Variants in C6orf141 observed in about 807,000 individuals in gnomAD.
C6orf141 encodes the protein uncharacterized protein C6orf141.
For synonymous variants in C6orf141, 164 were observed against 140.5 expected, an observed-to-expected ratio of 1.17 and a Z score of -1.18; for missense variants, 361 against 335.8, an observed-to-expected ratio of 1.07 and a Z score of -0.59.
Position 49,550,676 on chromosome 6 carries a change from G to A in C6orf141, c.-117G>A, listed in dbSNP as rs1770203784. ...TAGCCTGGGGCTGATCTAGTCTTCA[G>A]CTTTCACCGGCTGGGAGTCCGGAGC... On this transcript the variant is annotated 5_prime_UTR_variant, in exon 1 of 1. Transcript: ENST00000529246. The A allele has an allele frequency of 1.1e-6, 1 of 947,144 alleles. No individual in the cohort carries two copies. The highest frequency in any genetic ancestry group is 1.7e-5 in the African/African-American group (1 of 58,232). The allele number at this position is 947,144 out of a possible 1,614,324, so 58.7% of individuals were successfully genotyped here. A position where few individuals can be genotyped will look rare whatever the true frequency, so the allele number is the denominator to read the frequency against.
intron 4 of C6orf141, among the ~76,000 whole-genome samples, chr6:49,559,382 C>T (rs12214715): frequency 0.18 from 27,569 of 151,402 alleles, 3,176 homozygotes; most frequent in Middle Eastern, 0.34. Context: ...AGAATGCAGC[C>T]TTGCAAGTAG....
Position 49,551,864 on chromosome 6 carries a change from C to A in C6orf141, c.*337C>A. The A allele has an allele frequency of 1.1e-5, 13 of 1,150,420 alleles. No homozygotes were observed. The highest frequency in any genetic ancestry group is 1.4e-5 in the Non-Finnish European group (13 of 923,180). The allele number at this position is 1,150,420 out of a possible 1,614,324, so 71.3% of individuals were successfully genotyped here. On this transcript the variant is annotated 3_prime_UTR_variant, in exon 1 of 1. Coordinates refer to ENST00000529246, the MANE Select transcript of C6orf141 (RefSeq NM_001145652.2). ...GATCTCTTTTCTGTTCCCCGCCCCC[C>A]TCTTGTTTCTCTTTAGGACCTAGAA...
At chr6:49,554,002 C>T (rs374760301), downstream of C6orf141, among the ~76,000 whole-genome samples, 1 of 152,264 alleles carries the variant, frequency 6.6e-6, no homozygotes, top group East Asian at 1.9e-4. Flanking sequence ...TTTAATAAGA[C>T]TCTTCTCTAC....
downstream of C6orf141, chr6:49,554,932 C>T (rs1355192105): frequency 6.6e-6 from 1 of 152,178 alleles, no homozygotes; most frequent in Non-Finnish European, 1.5e-5. Context: ...AATCTTATCC[C>T]GTTTACAAAT....
At chr6:49,557,678 G>A (rs1348350107) in intron 4 of C6orf141, among the ~76,000 whole-genome samples, 1 of 152,104 alleles carries the variant, frequency 6.6e-6, no homozygotes, top group African/African-American at 2.4e-5. Flanking sequence ...ACAAAACTCA[G>A]AGGTCTCTAA....
rs988511300 is a variant in C6orf141, at chr6:49,551,305, G to T, written c.513G>T (p.Val171=). The part of the protein sequence containing the change: ...RVEDYQVTQE[V]LQTSWAKGRM... ...AGGATTATCAGGTAACACAAGAAGT[G>T]TTGCAGACCTCCTGGGCCAAGGGTC... Residue 171 remains valine (V), a synonymous_variant, in exon 1 of 1, where the codon GTG becomes GTT. Coordinates refer to ENST00000529246, the MANE Select transcript of C6orf141 (RefSeq NM_001145652.2). The T allele has an allele frequency of 6.4e-7, 1 of 1,551,606 alleles. No individual in the cohort carries two copies. Among genetic ancestry groups the T allele is most frequent in the Admixed American group, 2.0e-5 (1 of 50,988 alleles).
In C6orf141 at chr6:49,551,929, T is replaced by A. The variant is rs1770729819; in HGVS notation, c.*402T>A. On this transcript the variant is annotated 3_prime_UTR_variant, in exon 1 of 1. Coordinates refer to ENST00000529246, the MANE Select transcript of C6orf141 (RefSeq NM_001145652.2). Reference sequence around the variant, plus strand: ...TGAAGTCTGCTCTCTGCAAAGAGGGTGGGAGTGGGTGGAGAAGAGGCTTGT... The same window carrying A: ...TGAAGTCTGCTCTCTGCAAAGAGGGAGGGAGTGGGTGGAGAAGAGGCTTGT... 3 of 1,037,654 alleles carry A rather than the reference T, an allele frequency of 2.9e-6. No individual in the cohort carries two copies. In the South Asian group the frequency reaches 1.2e-4, roughly 42 times the overall value. 64.3% of individuals were successfully genotyped at this position (1,037,654 alleles called of 1,614,324 possible). A position where few individuals can be genotyped will look rare whatever the true frequency, so the allele number is the denominator to read the frequency against.
exon 5 of C6orf141, chr6:49,561,794 C>T (rs992092668): frequency 1.3e-5 from 2 of 151,948 alleles, no homozygotes; most frequent in African/African-American, 4.8e-5. Flanking sequence ...AAGTGATCCT[C>T]CCACCTCAGC....
chr6:49,557,515 T>C (rs1772189723), intron 4 of C6orf141, among the ~76,000 whole-genome samples: 1 of 152,250 alleles, frequency 6.6e-6, no homozygotes, highest in Non-Finnish European at 1.5e-5. Flanking sequence ...GACTTTCCTT[T>C]TCTTAGAGCA....
chr6:49,558,080 T>TCC (rs1554168743), intron 4 of C6orf141, among the ~76,000 whole-genome samples: 1 of 138,198 alleles, frequency 7.2e-6, no homozygotes, highest in Non-Finnish European at 1.5e-5. Context: ...TTTTTTTTTT[T>TCC]TTTAGTAGAG....
At chr6:49,556,172 A>G (rs931483551), downstream of C6orf141, among the ~76,000 whole-genome samples, 49 of 152,212 alleles carry the variant, frequency 3.2e-4, no homozygotes, top group African/African-American at 1.2e-3. Flanking sequence ...CATTTTGTCA[A>G]GATCATTGGA....
At chr6:49,560,263 C>T (rs1773035613) in intron 4 of C6orf141, among the ~76,000 whole-genome samples, 1 of 151,582 alleles carries the variant, frequency 6.6e-6, no homozygotes, top group African/African-American at 2.4e-5. Flanking sequence ...TGCAGTGAGC[C>T]GAGATCGCGC....
Position 49,551,883 on chromosome 6 carries a change from C to A in C6orf141, c.*356C>A. 8.9e-7 allele frequency: 1 copy of A among 1,123,240 alleles called. No homozygotes were observed. The highest frequency in any genetic ancestry group is 1.1e-6 in the Non-Finnish European group (1 of 906,414). 69.6% of individuals were successfully genotyped at this position (1,123,240 alleles called of 1,614,324 possible). A position where few individuals can be genotyped will look rare whatever the true frequency, so the allele number is the denominator to read the frequency against. On this transcript the variant is annotated 3_prime_UTR_variant, in exon 1 of 1. Transcript: ENST00000529246. ...GCCCCCCTCTTGTTTCTCTTTAGGA[C>A]CTAGAAACAGAAGTGAAGTTTGAAG... is the stretch of plus-strand genomic sequence containing the variant.
At chr6:49,557,594 C>T (rs549282639) in intron 4 of C6orf141, among the ~76,000 whole-genome samples, 2 of 152,216 alleles carry the variant, frequency 1.3e-5, no homozygotes, top group South Asian at 4.1e-4. Flanking sequence ...TAAGAAAGAT[C>T]CAGGTATGTC....
chr6:49,558,873 A>T (rs1162185164), intron 4 of C6orf141, among the ~76,000 whole-genome samples: 1 of 151,386 alleles, frequency 6.6e-6, no homozygotes, highest in Non-Finnish European at 1.5e-5. Context: ...ATGCCTGGCT[A>T]ATTTTTTGTA....
intron 4 of C6orf141, among the ~76,000 whole-genome samples, chr6:49,559,288 A>C (rs1180937166): frequency 6.9e-6 from 1 of 145,598 alleles, no homozygotes; most frequent in Non-Finnish European, 1.5e-5. Flanking sequence ...AAACTGAAAA[A>C]CCCAGTCATA....
chr6:49,552,193 A>G (rs1352797344), downstream of C6orf141: 1 of 153,152 alleles, frequency 6.5e-6, no homozygotes, highest in African/African-American at 2.4e-5. Context: ...ACATGCATTT[A>G]TCATACATTT....
Position 49,550,856 on chromosome 6 carries a change from T to A in C6orf141, c.64T>A (p.Ser22Thr), listed in dbSNP as rs150015338. Residue 22 changes from serine to threonine, a missense_variant, in exon 1 of 1, where the codon TCC becomes ACC. Coordinates refer to ENST00000529246, the MANE Select transcript of C6orf141 (RefSeq NM_001145652.2). ...GPQGAANPMD[S>T]SRSLGDLGPF... is the part of the protein sequence containing the mutation. Reference sequence around the variant, plus strand: ...TCAGGGAGCTGCGAATCCCATGGACTCCTCCCGCAGCCTGGGGGACCTCGG... The same window carrying A: ...TCAGGGAGCTGCGAATCCCATGGACACCTCCCGCAGCCTGGGGGACCTCGG... The A allele has an allele frequency of 5.7e-4, 852 of 1,499,054 alleles. 7 individuals are homozygous for A. The African/African-American group carries it at 0.011, about 19-fold the overall frequency. The allele number at this position is 1,499,054 out of a possible 1,614,324, so 92.9% of individuals were successfully genotyped here. A position where few individuals can be genotyped will look rare whatever the true frequency, so the allele number is the denominator to read the frequency against.
At chr6:49,560,772 G>T (rs1180566296) in intron 4 of C6orf141, 1 of 152,342 alleles carries the variant, frequency 6.6e-6, no homozygotes, top group African/African-American at 2.4e-5. Context: ...AAAGTGCTGG[G>T]ATTACAGGCT....
Sources: gnomAD v4.1 joint callset for allele counts (sites outside exome capture counted in the v4.1 genomes callset) on GRCh38, gnomAD v4.1.1 for gene constraint, MANE v1.5 for transcripts, NCBI Gene and HGNC (gene_info 2026-07-23, HGNC 2026-07-21) for gene names.